UNC13C: variants seen among roughly 807,000 people sequenced by gnomAD.
UNC13C encodes unc-13 homolog C, also known as protein unc-13 homolog C.
Under a neutral mutation model 245.4 loss-of-function variants are expected in UNC13C, and 174 were observed. That is an observed-to-expected ratio of 0.71 (90% confidence interval 0.63 to 0.80). UNC13C has a LOEUF of 0.80. Among genes scored for constraint, UNC13C ranks in the 30% least tolerant of loss-of-function variants. The pLI, the probability that UNC13C is intolerant of heterozygous loss-of-function variation, is 0.00. For missense variants in UNC13C, 2,829 were observed against 2,602.9 expected, an observed-to-expected ratio of 1.09 and a Z score of -1.89; for synonymous variants, 992 against 895.1, an observed-to-expected ratio of 1.11 and a Z score of -1.93.
chr15:54,508,034 A>T (rs1372497216), intron 23 of UNC13C, among the ~76,000 whole-genome samples: 1 of 152,098 alleles, frequency 6.6e-6, no homozygotes, highest in Non-Finnish European at 1.5e-5. Context: ...AAGATAAGTC[A>T]GTCCTAATGG....
chr15:54,252,542 T>C (rs74013558), intron 8 of UNC13C, among the ~76,000 whole-genome samples: 3,866 of 152,228 alleles, frequency 0.025, 160 homozygotes, highest in African/African-American at 0.089. Context: ...GTCCTACAAG[T>C]ATGTATACTT....
Position 54,126,479 on chromosome 15 carries a change from G to A in UNC13C, c.2984-16539G>A, listed in dbSNP as rs1438344157. ...AAGCTGCAAAATAAATAAAGCAAAAGCTGACACAAAGGAAAAACAAACAAA... is the reference window on the plus strand; with the variant it reads ...AAGCTGCAAAATAAATAAAGCAAAAACTGACACAAAGGAAAAACAAACAAA... On this transcript the variant is annotated intron_variant, in intron 2 of 32. Coordinates refer to ENST00000260323, the MANE Select transcript of UNC13C (RefSeq NM_001080534.3). 2.6e-5 allele frequency among the ~76,000 whole-genome samples: 4 copies of A among 152,024 alleles called. No individual in the cohort carries two copies. In the East Asian group the frequency reaches 7.7e-4, roughly 29 times the overall value.
At chr15:54,499,235 A>G (rs999256624) in intron 20 of UNC13C, among the ~76,000 whole-genome samples, 14 of 152,036 alleles carry the variant, frequency 9.2e-5, no homozygotes, top group Admixed American at 5.9e-4. Context: ...TGTGCTGCAC[A>G]GTTTTAAATA....
intron 2 of UNC13C, among the ~76,000 whole-genome samples, chr15:54,052,073 C>T: frequency 1.7e-5 from 2 of 114,428 alleles, no homozygotes; most frequent in African/African-American, 3.4e-5. Flanking sequence ...CATCCATGTC[C>T]CTACAAAGGA....
chr15:54,167,775 T>G (rs1003042041), intron 4 of UNC13C, among the ~76,000 whole-genome samples: 4 of 151,646 alleles, frequency 2.6e-5, no homozygotes, highest in African/African-American at 7.3e-5. Context: ...ATCCTACAAC[T>G]CCATTAAAAA....
intron 4 of UNC13C, among the ~76,000 whole-genome samples, chr15:54,187,326 AG>A (rs2034026134): frequency 6.6e-6 from 1 of 152,132 alleles, no homozygotes; most frequent in Non-Finnish European, 1.5e-5. Context: ...TCCATACCAT[AG>A]CCAGAGTGGG....
rs1901235655 is a variant in UNC13C at position 54,627,258 on chromosome 15, G to C, written c.*145G>C. 1.2e-6 allele frequency: 1 copy of C among 819,214 alleles called. No homozygotes were observed. Among genetic ancestry groups the C allele is most frequent in the East Asian group, 2.8e-5 (1 of 36,152 alleles). The allele number at this position is 819,214 out of a possible 1,614,324, so 50.7% of individuals were successfully genotyped here. ...CTACAAGGTATGTAAAAAACCTGCTGAACTTTTATACCAATTCTGGTCTTT... is the reference window on the plus strand; with the variant it reads ...CTACAAGGTATGTAAAAAACCTGCTCAACTTTTATACCAATTCTGGTCTTT... On this transcript the variant is annotated 3_prime_UTR_variant, in exon 33 of 33. Transcript: ENST00000260323.
chr15:54,583,978 G>T (rs184326617), intron 30 of UNC13C, among the ~76,000 whole-genome samples: 107 of 152,272 alleles, frequency 7.0e-4, no homozygotes, highest in Non-Finnish European at 1.4e-3. Context: ...CTGGCTCCCC[G>T]TGGCCTCCAG....
the UNC13C span, among the ~76,000 whole-genome samples, chr15:53,863,562 A>AT: frequency 6.6e-6 from 1 of 152,204 alleles, no homozygotes; most frequent in African/African-American, 2.4e-5. Flanking sequence ...ATAATGAAAA[A>AT]GTGGAATCCT....
chr15:54,264,076 C>A, intron 8 of UNC13C, 92 bp from the exon 9 acceptor site: 1 of 1,278,874 alleles, frequency 7.8e-7, no homozygotes, highest in Non-Finnish European at 1.1e-6. Context: ...AGCACTCATT[C>A]ATTCTCACTT....
chr15:54,184,010 T>C (rs1402528904), intron 4 of UNC13C, among the ~76,000 whole-genome samples: 1 of 152,098 alleles, frequency 6.6e-6, no homozygotes, highest in Non-Finnish European at 1.5e-5. Context: ...TTTTAAAAAG[T>C]ACAAAAATTA....
At chr15:54,455,231 A>ATATATATATATATG (rs1891440972) in intron 19 of UNC13C, among the ~76,000 whole-genome samples, 1 of 95,200 alleles carries the variant, frequency 1.1e-5, no homozygotes, top group Non-Finnish European at 2.2e-5. Flanking sequence ...ATATATATAT[A>ATATATATATATATG]TATATATGTT....
At chr15:54,271,170 A>G (rs1294840163) in intron 10 of UNC13C, among the ~76,000 whole-genome samples, 1 of 152,166 alleles carries the variant, frequency 6.6e-6, no homozygotes, top group African/African-American at 2.4e-5. Flanking sequence ...GCATTTGGAG[A>G]GAACAGAGGC....
intron 4 of UNC13C, among the ~76,000 whole-genome samples, chr15:54,225,719 G>T (rs886142228): frequency 6.6e-6 from 1 of 152,174 alleles, no homozygotes; most frequent in Non-Finnish European, 1.5e-5. Flanking sequence ...CTGACAAGAT[G>T]GGTTTTTTAG....
At chr15:53,998,854 A>G (rs1349255758) in intron 1 of UNC13C, among the ~76,000 whole-genome samples, 2 of 152,050 alleles carry the variant, frequency 1.3e-5, no homozygotes, top group African/African-American at 2.4e-5. Flanking sequence ...TTACATGTAC[A>G]TAAGTGATTA....
chr15:54,331,944 C>A, intron 14 of UNC13C, 99 bp from the exon 15 acceptor site: 2 of 713,062 alleles, frequency 2.8e-6, no homozygotes, highest in Non-Finnish European at 4.4e-6. Flanking sequence ...ATATTTGATC[C>A]TTCCTTTCTA....
chr15:54,149,958 T>C (rs2141248641), intron 4 of UNC13C, among the ~76,000 whole-genome samples: 1 of 152,312 alleles, frequency 6.6e-6, no homozygotes, highest in South Asian at 2.1e-4. Context: ...ACTGTGCCAT[T>C]TTATATAAGG....
intron 10 of UNC13C, among the ~76,000 whole-genome samples, chr15:54,268,071 C>A (rs556856520): frequency 4.0e-4 from 61 of 152,028 alleles, no homozygotes; most frequent in Non-Finnish European, 6.3e-4. Flanking sequence ...AGGTTTTAAG[C>A]CCAGCATGCA....
intron 10 of UNC13C, among the ~76,000 whole-genome samples, chr15:54,291,506 C>T (rs911068205): frequency 6.6e-6 from 1 of 151,884 alleles, no homozygotes; most frequent in Non-Finnish European, 1.5e-5. Flanking sequence ...CAGAAATTGT[C>T]AATAATAGAT....
Sources: allele counts gnomAD v4.1 joint callset (sites outside exome capture counted in the v4.1 genomes callset), GRCh38; gene constraint gnomAD v4.1.1; transcripts MANE v1.5; gene names NCBI Gene and HGNC (gene_info 2026-07-23, HGNC 2026-07-21).